The following TPRKB variants were observed in gnomAD, a reference collection of about 807,000 sequenced individuals.
The protein encoded by TPRKB is EKC/KEOPS complex subunit TPRKB.
Under a neutral mutation model 17.8 loss-of-function variants are expected in TPRKB, and 11 were observed. The observed-to-expected ratio is 0.62, with a 90% CI of 0.39 to 1.02. TPRKB has a LOEUF of 1.02. TPRKB is among the 50% of genes least tolerant of loss of function. The pLI is 0.00. For synonymous variants in TPRKB, 71 were observed against 69.5 expected (o/e 1.02, Z -0.11); for missense variants, 228 against 198.0 (o/e 1.15, Z -0.91).
chr2:73,735,581 A>G (rs1289086283), intron 1 of TPRKB, among the ~76,000 whole-genome samples: 1 of 152,244 alleles, frequency 6.6e-6, no homozygotes, highest in Non-Finnish European at 1.5e-5. Context: ...TAAATAATCA[A>G]TGTCGCTCCT....
Position 73,732,150 on chromosome 2 carries a change from A to G in TPRKB, c.264+13T>C. The G allele has an allele frequency of 1.9e-6, 3 of 1,609,948 alleles. No individual in the cohort carries two copies. Among genetic ancestry groups the G allele is most frequent in the East Asian group, 2.2e-5 (1 of 44,854 alleles). On this transcript the variant is annotated intron_variant, in intron 3 of 4. Transcript: ENST00000272424. ...TATGACACGGTCAACAGAAATAGGA[A>G]AGTGCACATTACATTGTTATTTGGG...
In TPRKB at chr2:73,733,279, CAG is replaced by C. The variant is rs1279758202; in HGVS notation, c.142-996_142-995del. ...GTTTTTTTTTTTTTTTGGAGACAGA[CAG>C]AGTCTCTCGCTCCATTGCCCAGGCT... On this transcript the variant is annotated intron_variant, in intron 2 of 4. Transcript: ENST00000272424. Among the ~76,000 whole-genome samples, 30 of 116,226 alleles carry C rather than the reference CAG, an allele frequency of 2.6e-4. No homozygotes were observed. In the South Asian group the frequency reaches 8.1e-3, roughly 31 times the overall value. 76.2% of individuals were successfully genotyped at this position (116,226 alleles called of 152,430 possible). A position where few individuals can be genotyped will look rare whatever the true frequency, so the allele number is the denominator to read the frequency against.
rs1266450868 is a variant in TPRKB at position 73,732,238 on chromosome 2, G to A, written c.189C>T (p.His63=). ...TCTTCATTTTTCCCAGTTTGTAGAGGTGAACTGCTTTGTTTGCTGCCACAA... is the reference window on the plus strand; with the variant it reads ...TCTTCATTTTTCCCAGTTTGTAGAGATGAACTGCTTTGTTTGCTGCCACAA... The part of the protein sequence containing the change: ...QILVAANKAV[H]LYKLGKMKTR... Residue 63 remains histidine (H), a synonymous_variant, in exon 3 of 5, where the codon CAC becomes CAT. Transcript: ENST00000272424. The A allele has an allele frequency of 1.9e-6, 3 of 1,614,028 alleles. No individual in the cohort carries two copies. The highest frequency in any genetic ancestry group is 2.2e-5 in the South Asian group (2 of 91,046).
chr2:73,732,417 A>G, intron 2 of TPRKB, 132 bp from the exon 3 acceptor site: 1 of 1,104,440 alleles, frequency 9.1e-7, no homozygotes, highest in East Asian at 2.6e-5. Flanking sequence ...TGTATTTTCA[A>G]AACTATTATC....
chr2:73,736,376 T>C (rs891767521), intron 1 of TPRKB, among the ~76,000 whole-genome samples: 1 of 152,182 alleles, frequency 6.6e-6, no homozygotes, highest in African/African-American at 2.4e-5. Context: ...AAAGAAAATA[T>C]TTTGTTATGT....
In TPRKB at chr2:73,732,274, T is replaced by C. The variant is rs147625836; in HGVS notation, c.153A>G (p.Pro51=). ...TGTTTGCTGCCACAAGTATCTGAAA[T>C]GGATCAACAATCTACCAAAGCAAGG... is the stretch of plus-strand genomic sequence containing the variant. The part of the protein sequence containing the change: ...SLINPTVIVD[P]FQILVAANKA... Residue 51 remains proline, a synonymous_variant, in exon 3 of 5, where the codon CCA becomes CCG. Transcript: ENST00000272424. The C allele has an allele frequency of 3.7e-6, 6 of 1,612,784 alleles. No individual in the cohort carries two copies. In the Admixed American group the frequency reaches 1.0e-4, roughly 27 times the overall value.
intron 1 of TPRKB, among the ~76,000 whole-genome samples, chr2:73,736,718 C>T (rs959929925): frequency 8.5e-5 from 13 of 152,174 alleles, no homozygotes; most frequent in African/African-American, 2.9e-4. Flanking sequence ...CAATTCCTGC[C>T]CTCCTATAAT....
chr2:73,734,699 A>C (rs1671799030), intron 1 of TPRKB, 108 bp from the exon 2 acceptor site: 1 of 1,051,628 alleles, frequency 9.5e-7, no homozygotes, highest in Non-Finnish European at 1.3e-6. Context: ...AAAAGTGTTA[A>C]ACTAGAAAAA....
At chr2:73,730,357 AT>A (rs1671540596) in intron 4 of TPRKB, 1 of 468,614 alleles carries the variant, frequency 2.1e-6, no homozygotes, top group African/African-American at 2.0e-5. Context: ...GAGAATGGTT[AT>A]GTCAGCTGAG....
In TPRKB at chr2:73,734,422, T is replaced by C. The variant is rs1479545262; in HGVS notation, c.141+7A>G. On this transcript the variant is annotated splice_region_variant and intron_variant, in intron 2 of 4. Transcript: ENST00000272424. ...CAGGCTCATTCATTCTTAAAATTTA[T>C]ATTTACCACTGTAGGATTTATCAGT... 1.2e-6 allele frequency: 2 copies of C among 1,606,238 alleles called. No homozygotes were observed. Among genetic ancestry groups the C allele is most frequent in the African/African-American group, 1.3e-5 (1 of 74,444 alleles).
chr2:73,736,742 G>C (rs1238739423), intron 1 of TPRKB, among the ~76,000 whole-genome samples: 1 of 152,150 alleles, frequency 6.6e-6, no homozygotes, highest in Non-Finnish European at 1.5e-5. Flanking sequence ...GTCGTCACCA[G>C]CAGTTACAGT....
At chr2:73,732,428 C>A in intron 2 of TPRKB, 143 bp from the exon 3 acceptor site, 1 of 1,006,152 alleles carries the variant, frequency 9.9e-7, no homozygotes. Flanking sequence ...AACTATTATC[C>A]CGGCTGGGCA....
chr2:73,735,474 C>T (rs1671838283), intron 1 of TPRKB, among the ~76,000 whole-genome samples: 1 of 151,950 alleles, frequency 6.6e-6, no homozygotes, highest in African/African-American at 2.4e-5. Flanking sequence ...TACCCTAGAA[C>T]TTAAAGTATA....
intron 2 of TPRKB, among the ~76,000 whole-genome samples, chr2:73,733,814 C>CTTTTTTT (rs755122123): frequency 1.1e-4 from 13 of 114,022 alleles, no homozygotes; most frequent in African/African-American, 3.5e-4. Flanking sequence ...CTCATTCATT[C>CTTTTTTT]TTTTTTTTTT....
chr2:73,730,115 A>G, intron 4 of TPRKB, 86 bp from the exon 5 acceptor site: 2 of 1,375,820 alleles, frequency 1.5e-6, no homozygotes, highest in Non-Finnish European at 1.9e-6. Context: ...AAGTGAAATT[A>G]TTCCTCATTC....
chr2:73,730,880 T>C (rs552548036), intron 3 of TPRKB, 144 bp from the exon 4 acceptor site: 4 of 543,904 alleles, frequency 7.4e-6, no homozygotes, highest in East Asian at 7.0e-5. Context: ...TTTTTCACTT[T>C]AATGATTCCT....
chr2:73,732,570 G>A (rs1671666335), intron 2 of TPRKB: 6 of 306,674 alleles, frequency 2.0e-5, no homozygotes, highest in South Asian at 1.0e-4. Context: ...TTAGTCAGGC[G>A]TGGTGGCACG....
At chr2:73,734,322 C>G (rs933703239) in intron 2 of TPRKB, 107 bp downstream of exon 2, 80 of 1,167,298 alleles carry the variant, frequency 6.9e-5, no homozygotes, top group Middle Eastern at 2.4e-4. Flanking sequence ...TGGTCTTCAA[C>G]TCCTGACCTC....
chr2:73,730,893 C>T (rs1671577592), intron 3 of TPRKB, 157 bp from the exon 4 acceptor site: 1 of 518,010 alleles, frequency 1.9e-6, no homozygotes, highest in African/African-American at 2.0e-5. Context: ...TGATTCCTTT[C>T]CAACATCCAT....
Sources: allele counts gnomAD v4.1 joint callset (sites outside exome capture counted in the v4.1 genomes callset), GRCh38; gene constraint gnomAD v4.1.1; transcripts MANE v1.5; gene names NCBI Gene and HGNC (gene_info 2026-07-23, HGNC 2026-07-21).